Variants in DNAJC3 observed in about 807,000 individuals in gnomAD.
DNAJC3 encodes DnaJ heat shock protein family (Hsp40) member C3, also known as dnaJ homolog subfamily C member 3.
DNAJC3 carries 38 observed loss-of-function variants against 68.6 expected under a neutral mutation model. The ratio of observed to expected loss-of-function variants is 0.55; its 90% confidence interval spans 0.43 to 0.73. The LOEUF (loss-of-function observed/expected upper bound fraction) is 0.73, where lower values mean the gene tolerates loss of function less well. DNAJC3 is among the 30% of genes least tolerant of loss of function. The pLI is 0.00. For synonymous variants in DNAJC3, 203 were observed against 204.0 expected (o/e 1.00, Z 0.04); for missense variants, 526 against 591.9 (o/e 0.89, Z 1.16).
At chr13:95,685,818 A>G (rs1206293317) in intron 1 of DNAJC3, among the ~76,000 whole-genome samples, 1 of 151,706 alleles carries the variant, frequency 6.6e-6, no homozygotes, top group Non-Finnish European at 1.5e-5. Context: ...CTTTTTAGTA[A>G]TAGCCACTCA....
intron 4 of DNAJC3, among the ~76,000 whole-genome samples, chr13:95,754,517 T>C (rs1266699866): frequency 6.6e-6 from 1 of 152,050 alleles, no homozygotes; most frequent in Non-Finnish European, 1.5e-5. Context: ...GTAGGATAAA[T>C]TCAAAATGCA....
intron 9 of DNAJC3, among the ~76,000 whole-genome samples, chr13:95,765,355 A>C (rs1882961469): frequency 6.6e-6 from 1 of 151,714 alleles, no homozygotes; most frequent in African/African-American, 2.4e-5. Context: ...GTAAACCCTT[A>C]GCTCTCACTG....
intron 4 of DNAJC3, among the ~76,000 whole-genome samples, chr13:95,728,274 A>G (rs955488821): frequency 6.6e-6 from 1 of 152,236 alleles, no homozygotes; most frequent in Non-Finnish European, 1.5e-5. Flanking sequence ...TTTGTAAGAA[A>G]GCACCAAATT....
chr13:95,710,233 C>CT (rs66976007), intron 2 of DNAJC3, among the ~76,000 whole-genome samples: 75 of 130,996 alleles, frequency 5.7e-4, no homozygotes, highest in East Asian at 2.7e-3. Context: ...CTTTTCTTTT[C>CT]TTTTTTTTTT....
At position 95,792,563 on chromosome 13, in the gene DNAJC3, A is replaced by C. The variant is rs537532341; in HGVS notation, c.*1533A>C. ...CGTTTTCGTCTGTAGTCATATCCTG[A>C]AACATAGGTGGACAAATTTTTAACT... On this transcript the variant is annotated 3_prime_UTR_variant, in exon 12 of 12. Coordinates refer to ENST00000602402, the MANE Select transcript of DNAJC3 (RefSeq NM_006260.5). The C allele has an allele frequency of 3.9e-5, 6 of 152,350 alleles. No homozygotes were observed. Among genetic ancestry groups the C allele is most frequent in the African/African-American group, 1.4e-4 (6 of 41,592 alleles). 9.4% of individuals were successfully genotyped at this position (152,350 alleles called of 1,614,324 possible).
chr13:95,682,970 GAC>G (rs1879963437), intron 1 of DNAJC3, among the ~76,000 whole-genome samples: 1 of 152,192 alleles, frequency 6.6e-6, no homozygotes, highest in Non-Finnish European at 1.5e-5. Flanking sequence ...AAGAAGAAAA[GAC>G]AGCTCCTCCT....
intron 2 of DNAJC3, among the ~76,000 whole-genome samples, chr13:95,719,749 A>G (rs2139637051): frequency 6.6e-6 from 1 of 152,270 alleles, no homozygotes; most frequent in African/African-American, 2.4e-5. Flanking sequence ...ATGCCTAAAA[A>G]CTGAACAGTA....
intron 2 of DNAJC3, among the ~76,000 whole-genome samples, chr13:95,709,770 G>C (rs1023493479): frequency 2.6e-5 from 4 of 151,710 alleles, no homozygotes; most frequent in South Asian, 2.1e-4. Context: ...CTCCCGAGTA[G>C]CTGGGACTAC....
intron 1 of DNAJC3, among the ~76,000 whole-genome samples, chr13:95,687,723 G>C (rs938694190): frequency 2.0e-5 from 3 of 152,138 alleles, no homozygotes; most frequent in Non-Finnish European, 4.4e-5. Context: ...CTCCAGCTTA[G>C]TTCTTTTTGC....
intron 1 of DNAJC3, among the ~76,000 whole-genome samples, chr13:95,678,469 C>A (rs1222390069): frequency 6.6e-6 from 1 of 152,054 alleles, no homozygotes; most frequent in Non-Finnish European, 1.5e-5. Context: ...AACCCCAAAT[C>A]AGAACACGTA....
chr13:95,740,471 G>T (rs1882095983), intron 4 of DNAJC3, among the ~76,000 whole-genome samples: 2 of 152,230 alleles, frequency 1.3e-5, no homozygotes, highest in Non-Finnish European at 1.5e-5. Context: ...AGACTCCGTG[G>T]GCGTAGGACC....
chr13:95,682,515 A>T (rs994969619), intron 1 of DNAJC3, among the ~76,000 whole-genome samples: 3 of 152,276 alleles, frequency 2.0e-5, no homozygotes, highest in African/African-American at 7.2e-5. Flanking sequence ...TCTCCAAAAT[A>T]TAAGATATTC....
At chr13:95,692,800 C>T (rs1010843617) in intron 1 of DNAJC3, 1 of 151,766 alleles carries the variant, frequency 6.6e-6, no homozygotes, top group Non-Finnish European at 1.5e-5. Flanking sequence ...ACACCTAGCA[C>T]TTCTACACAT....
intron 2 of DNAJC3, among the ~76,000 whole-genome samples, chr13:95,709,848 C>G (rs1380548243): frequency 6.6e-6 from 1 of 152,084 alleles, no homozygotes; most frequent in African/African-American, 2.4e-5. Flanking sequence ...ACCATATTAG[C>G]CAGGATGGTC....
intron 4 of DNAJC3, among the ~76,000 whole-genome samples, chr13:95,737,572 T>G (rs1364745298): frequency 1.3e-5 from 2 of 152,070 alleles, no homozygotes; most frequent in East Asian, 1.9e-4. Context: ...GTCCAGGAAT[T>G]TATCCATTTC....
intron 1 of DNAJC3, among the ~76,000 whole-genome samples, chr13:95,677,686 C>G (rs1253623605): frequency 6.6e-6 from 1 of 152,198 alleles, no homozygotes; most frequent in Non-Finnish European, 1.5e-5. Flanking sequence ...GGGACCCTCG[C>G]TGGGCGCCTG....
chr13:95,785,562 G>A (rs867968628), intron 9 of DNAJC3, among the ~76,000 whole-genome samples: 1 of 147,026 alleles, frequency 6.8e-6, no homozygotes, highest in Non-Finnish European at 1.5e-5. Flanking sequence ...AAGTTCAAGC[G>A]GTTTTCCTGC....
chr13:95,769,282 A>G (rs1041848966), intron 9 of DNAJC3, among the ~76,000 whole-genome samples: 2 of 152,100 alleles, frequency 1.3e-5, no homozygotes, highest in Non-Finnish European at 2.9e-5. Context: ...CTGGGCATGA[A>G]AGAGACCATT....
At chr13:95,775,040 A>AT (rs1343696443) in intron 9 of DNAJC3, among the ~76,000 whole-genome samples, 1 of 151,876 alleles carries the variant, frequency 6.6e-6, no homozygotes, top group Non-Finnish European at 1.5e-5. Flanking sequence ...TTGTTTTTGA[A>AT]TTTTTTGTTC....
Sources: allele counts gnomAD v4.1 joint callset (sites outside exome capture counted in the v4.1 genomes callset), GRCh38; gene constraint gnomAD v4.1.1; transcripts MANE v1.5; gene names NCBI Gene and HGNC (gene_info 2026-07-23, HGNC 2026-07-21).